PPP2R2B: variants seen among roughly 807,000 people sequenced by gnomAD.
PPP2R2B encodes protein phosphatase 2 regulatory subunit Bbeta.
A neutral mutation model predicts 46.0 loss-of-function variants in PPP2R2B; 5 were observed. The observed-to-expected ratio is 0.11, with a 90% CI of 0.06 to 0.23. PPP2R2B has a LOEUF of 0.23. Ranked by LOEUF, PPP2R2B falls within the 10% of genes least tolerant of loss-of-function variation. The pLI is 1.00. For synonymous variants in PPP2R2B, 215 were observed against 206.7 expected, an observed-to-expected ratio of 1.04 and a Z score of -0.34; for missense variants, 367 against 575.0, an observed-to-expected ratio of 0.64 and a Z score of 3.70.
rs142523490 is a variant in PPP2R2B at position 146,721,672 on chromosome 5, T to C, written c.71-20530A>G. On this transcript the variant is annotated intron_variant, in intron 2 of 9. Coordinates refer to ENST00000394411, the MANE Select transcript of PPP2R2B (RefSeq NM_181675.4). Reference sequence around the variant, plus strand: ...CGCTTCTTTGGCACTTCCTTCTATGTGGAAGCTCCCAGTGATCATTAAGGC... The same window carrying C: ...CGCTTCTTTGGCACTTCCTTCTATGCGGAAGCTCCCAGTGATCATTAAGGC... Among the ~76,000 whole-genome samples, 475 of 152,362 alleles carry C rather than the reference T, an allele frequency of 3.1e-3. 4 individuals carry two copies. Among genetic ancestry groups the C allele is most frequent in the African/African-American group, 0.011 (442 of 41,586 alleles).
intron 1 of PPP2R2B, among the ~76,000 whole-genome samples, chr5:146,957,104 T>A (rs1271102674): frequency 2.6e-5 from 4 of 152,210 alleles, no homozygotes; most frequent in Non-Finnish European, 5.9e-5. Context: ...TCACCAAGTC[T>A]TTCTCCAAGT....
At chr5:146,615,457 C>T (rs1220069098) in intron 7 of PPP2R2B, among the ~76,000 whole-genome samples, 2 of 104,734 alleles carry the variant, frequency 1.9e-5, no homozygotes, top group Admixed American at 1.1e-4. Flanking sequence ...ACATATGTAA[C>T]TAACCTGCAC....
chr5:146,947,843 C>A (rs1038280863), intron 1 of PPP2R2B, among the ~76,000 whole-genome samples: 1 of 151,664 alleles, frequency 6.6e-6, no homozygotes, highest in Admixed American at 6.6e-5. Context: ...TTTGCTTATG[C>A]TACCACTTCA....
At chr5:146,878,848 G>A, upstream of PPP2R2B, 1 of 1,215,992 alleles carries the variant, frequency 8.2e-7, no homozygotes, top group Non-Finnish European at 1.1e-6. The surrounding 1 kb of genome is among the most constrained non-coding windows in gnomAD (Gnocchi z 4.5). Flanking sequence ...AGCAGTGGTG[G>A]CCGAGGCAGA....
At chr5:146,662,099 G>A (rs948862223) in intron 5 of PPP2R2B, among the ~76,000 whole-genome samples, 1 of 152,044 alleles carries the variant, frequency 6.6e-6, no homozygotes, top group Non-Finnish European at 1.5e-5. Flanking sequence ...TTTGATCACC[G>A]AGGATTGACC....
intron 5 of PPP2R2B, among the ~76,000 whole-genome samples, chr5:146,660,086 C>T (rs552738444): frequency 3.3e-5 from 5 of 152,208 alleles, no homozygotes; most frequent in Admixed American, 1.3e-4. Context: ...CAAATAGCTC[C>T]GTCCTCATTG....
intron 5 of PPP2R2B, among the ~76,000 whole-genome samples, chr5:146,664,667 G>A (rs1479665603): frequency 6.6e-6 from 1 of 152,044 alleles, no homozygotes; most frequent in East Asian, 1.9e-4. Flanking sequence ...AATCATGAAT[G>A]TTCTTAATGG....
chr5:146,764,523 A>G (rs1052277537), intron 2 of PPP2R2B, among the ~76,000 whole-genome samples: 1 of 152,098 alleles, frequency 6.6e-6, no homozygotes, highest in African/African-American at 2.4e-5. Context: ...CCCCTAATGG[A>G]TAAAATGTTT....
chr5:146,711,691 T>C (rs17105201), intron 2 of PPP2R2B, among the ~76,000 whole-genome samples: 40,242 of 151,950 alleles, frequency 0.26, 6,300 homozygotes, highest in African/African-American at 0.43. Flanking sequence ...ATTTAATGAA[T>C]GCCTATTATG....
intron 1 of PPP2R2B, among the ~76,000 whole-genome samples, chr5:147,020,349 C>A (rs979261727): frequency 1.3e-5 from 2 of 151,980 alleles, no homozygotes; most frequent in African/African-American, 4.8e-5. Context: ...TCCTATCAGA[C>A]CACTGACTTT....
chr5:146,820,734 T>C (rs1758205626), intron 2 of PPP2R2B, among the ~76,000 whole-genome samples: 1 of 152,078 alleles, frequency 6.6e-6, no homozygotes, highest in South Asian at 2.1e-4. Flanking sequence ...GAGTCCTAAA[T>C]TGACCTCCGT....
intron 1 of PPP2R2B, among the ~76,000 whole-genome samples, chr5:147,048,185 G>C (rs1003727492): frequency 1.3e-5 from 2 of 152,136 alleles, no homozygotes; most frequent in Admixed American, 6.6e-5. Context: ...TTAAAGAATA[G>C]ATGAGTGTTT....
At chr5:146,726,677 C>T (rs1334599812) in intron 2 of PPP2R2B, among the ~76,000 whole-genome samples, 1 of 152,192 alleles carries the variant, frequency 6.6e-6, no homozygotes, top group Non-Finnish European at 1.5e-5. Flanking sequence ...ACAGTCTAGT[C>T]CTTGAGTCAA....
At chr5:146,725,164 G>C (rs1751784851) in intron 2 of PPP2R2B, among the ~76,000 whole-genome samples, 1 of 152,088 alleles carries the variant, frequency 6.6e-6, no homozygotes, top group South Asian at 2.1e-4. Flanking sequence ...GGAGCCTGGA[G>C]AGCACACAAT....
chr5:146,974,160 T>C (rs1251698216), intron 1 of PPP2R2B, among the ~76,000 whole-genome samples: 1 of 152,176 alleles, frequency 6.6e-6, no homozygotes. Flanking sequence ...ACAGCAATAA[T>C]GCATATTTTA....
At position 146,646,810 on chromosome 5, in the gene PPP2R2B, A is replaced by G. The variant is rs558707467; in HGVS notation, c.625+3737T>C. On this transcript the variant is annotated intron_variant, in intron 6 of 9. Transcript: ENST00000394411. The stretch of plus-strand genomic sequence containing the variant: ...ATGATTGTGCTAGTCCTGTTTACTG[A>G]GCATTTGCTTAGCAAGGCACTACCC... 2.0e-5 allele frequency among the ~76,000 whole-genome samples: 3 copies of G among 152,242 alleles called. No individual in the cohort carries two copies. The South Asian group carries it at 6.2e-4, about 32-fold the overall frequency.
chr5:146,974,710 G>A (rs1254753331), intron 1 of PPP2R2B, among the ~76,000 whole-genome samples: 1 of 136,682 alleles, frequency 7.3e-6, no homozygotes, highest in Non-Finnish European at 1.5e-5. Context: ...TTTTTTTTGA[G>A]ATGGAGTCTG....
intron 1 of PPP2R2B, among the ~76,000 whole-genome samples, chr5:147,039,121 A>G (rs975594988): frequency 1.3e-5 from 2 of 152,104 alleles, no homozygotes; most frequent in Non-Finnish European, 2.9e-5. Flanking sequence ...GGCTCTTCGC[A>G]TTGCTGACCC....
chr5:147,034,914 C>G (rs1220661143), intron 1 of PPP2R2B, among the ~76,000 whole-genome samples: 13 of 150,946 alleles, frequency 8.6e-5, no homozygotes, highest in Admixed American at 8.6e-4. Flanking sequence ...ATGACTGAAA[C>G]TTTTTTAAAA....
Sources: allele counts gnomAD v4.1 joint callset (sites outside exome capture counted in the v4.1 genomes callset), GRCh38; gene constraint gnomAD v4.1.1; non-coding constraint Gnocchi (gnomAD v3.1); transcripts MANE v1.5; gene names NCBI Gene and HGNC (gene_info 2026-07-23, HGNC 2026-07-21).